The following PLCB1 variants were observed in gnomAD, a reference collection of about 807,000 sequenced individuals.
PLCB1 encodes the protein 1-phosphatidylinositol 4,5-bisphosphate phosphodiesterase beta-1.
A neutral mutation model predicts 161.8 loss-of-function variants in PLCB1; 46 were observed. The observed-to-expected ratio is 0.28, with a 90% confidence interval of 0.22 to 0.36. The LOEUF (loss-of-function observed/expected upper bound fraction) is 0.36, where lower values mean the gene tolerates loss of function less well. Among genes scored for constraint, PLCB1 ranks in the 10% least tolerant of loss-of-function variants. The pLI is 1.00. For synonymous variants in PLCB1, 517 were observed against 503.7 expected (o/e 1.03, Z -0.35); for missense variants, 1,016 against 1,472.5 (o/e 0.69, Z 5.07).
intron 3 of PLCB1, among the ~76,000 whole-genome samples, chr20:8,548,909 A>T (rs1207149005): frequency 6.6e-6 from 1 of 152,228 alleles, no homozygotes; most frequent in Non-Finnish European, 1.5e-5. Context: ...CAAGAAAATA[A>T]GCTATTTAAC....
intron 3 of PLCB1, among the ~76,000 whole-genome samples, chr20:8,457,690 T>C (rs1981377903): frequency 6.7e-6 from 1 of 149,862 alleles, no homozygotes; most frequent in Admixed American, 6.7e-5. Flanking sequence ...AGTCATCTCC[T>C]ACTTATACCC....
intron 3 of PLCB1, among the ~76,000 whole-genome samples, chr20:8,405,459 A>C (rs762659166): frequency 5.9e-5 from 9 of 152,158 alleles, no homozygotes; most frequent in Non-Finnish European, 1.2e-4. Flanking sequence ...CTTTCGCCCA[A>C]AGCAAGTCTC....
At chr20:8,412,428 C>G (rs1356400666) in intron 3 of PLCB1, among the ~76,000 whole-genome samples, 2 of 152,158 alleles carry the variant, frequency 1.3e-5, no homozygotes, top group Admixed American at 1.3e-4. Context: ...ATCCACTACA[C>G]AAGAAAACAT....
At chr20:8,399,751 CT>C (rs1415924279) in intron 3 of PLCB1, among the ~76,000 whole-genome samples, 23 of 151,874 alleles carry the variant, frequency 1.5e-4, no homozygotes, top group Non-Finnish European at 3.2e-4. Context: ...ATTTTTTTTA[CT>C]TTATTTTTTC....
chr20:8,398,830 A>G (rs1978407513), intron 3 of PLCB1, among the ~76,000 whole-genome samples: 1 of 149,626 alleles, frequency 6.7e-6, no homozygotes. Context: ...AGCTCTTTAT[A>G]TATCAGGAGA....
rs184977403 is a variant in PLCB1, at chr20:8,160,679, C to T, written c.177+10308C>T. On this transcript the variant is annotated intron_variant, in intron 2 of 31. Coordinates refer to ENST00000338037, the MANE Select transcript of PLCB1 (RefSeq NM_015192.4). ...ACCTCCCACCAGGTCCCTCCTACAACACGGGGGAATTCAAGATGAGATTTG... is the reference window on the plus strand; with the variant it reads ...ACCTCCCACCAGGTCCCTCCTACAATACGGGGGAATTCAAGATGAGATTTG... 3.0e-3 allele frequency among the ~76,000 whole-genome samples: 454 copies of T among 152,254 alleles called. 3 individuals carry two copies. Among genetic ancestry groups the T allele is most frequent in the Non-Finnish European group, 5.2e-3 (352 of 68,018 alleles).
chr20:8,184,407 T>C lies in PLCB1; in HGVS notation c.177+34036T>C, dbSNP rs974501717. On this transcript the variant is annotated intron_variant, in intron 2 of 31. Transcript: ENST00000338037. ...AAATTGAAGTTTACATCATTACTTA[T>C]GTAACTAAAAATTTTCCTTTAACCT... 5.3e-5 allele frequency among the ~76,000 whole-genome samples: 8 copies of C among 152,298 alleles called. No homozygotes were observed. In the South Asian group the frequency reaches 1.4e-3, roughly 28 times the overall value.
At chr20:8,519,328 C>T (rs1404522159) in intron 3 of PLCB1, among the ~76,000 whole-genome samples, 1 of 151,802 alleles carries the variant, frequency 6.6e-6, no homozygotes, top group Admixed American at 6.6e-5. Context: ...AGCTGGGAGA[C>T]ATTTATGGGA....
chr20:8,466,574 A>C (rs1442643900), intron 3 of PLCB1, among the ~76,000 whole-genome samples: 1 of 152,164 alleles, frequency 6.6e-6, no homozygotes, highest in African/African-American at 2.4e-5. Context: ...CCACAACAAA[A>C]TACTAACAAT....
At chr20:8,458,501 G>A (rs1002568575) in intron 3 of PLCB1, among the ~76,000 whole-genome samples, 1 of 151,988 alleles carries the variant, frequency 6.6e-6, no homozygotes, top group African/African-American at 2.4e-5. Context: ...TTCCCCATAG[G>A]CCTAAATGTG....
At chr20:8,160,002 A>G (rs1173248949) in intron 2 of PLCB1, among the ~76,000 whole-genome samples, 71 of 151,490 alleles carry the variant, frequency 4.7e-4, no homozygotes, top group African/African-American at 1.7e-3. Context: ...AAAAAAAAAA[A>G]AAAAAAGAAA....
At chr20:8,361,403 TA>T (rs1367160509) in intron 2 of PLCB1, among the ~76,000 whole-genome samples, 1 of 152,176 alleles carries the variant, frequency 6.6e-6, no homozygotes, top group Non-Finnish European at 1.5e-5. Flanking sequence ...TGTCTTCATT[TA>T]ATATCTAGGG....
At chr20:8,366,019 T>C (rs978646745) in intron 2 of PLCB1, among the ~76,000 whole-genome samples, 2 of 152,204 alleles carry the variant, frequency 1.3e-5, no homozygotes, top group Admixed American at 6.5e-5. Context: ...GGCTGATGGA[T>C]TGAAATCTCT....
At chr20:8,240,357 C>T (rs180964433) in intron 2 of PLCB1, among the ~76,000 whole-genome samples, 2 of 151,696 alleles carry the variant, frequency 1.3e-5, no homozygotes, top group Non-Finnish European at 2.9e-5. Context: ...ATGTTCAATA[C>T]ATAGCATTTT....
At chr20:8,256,659 G>C (rs1981436055) in intron 2 of PLCB1, 1 of 152,086 alleles carries the variant, frequency 6.6e-6, no homozygotes, top group Admixed American at 6.6e-5. Flanking sequence ...AAAAAAATAA[G>C]GAGGCCATTA....
intron 2 of PLCB1, among the ~76,000 whole-genome samples, chr20:8,353,796 G>A (rs1300222995): frequency 6.6e-6 from 1 of 152,006 alleles, no homozygotes; most frequent in Non-Finnish European, 1.5e-5. Flanking sequence ...GTCGTGAATG[G>A]GCTCTTGGCA....
chr20:8,523,488 CTCTCTCTCTATATATATA>C (rs772064262), intron 3 of PLCB1, among the ~76,000 whole-genome samples: 3,604 of 59,324 alleles, frequency 0.061, 203 homozygotes, highest in Non-Finnish European at 0.081. Context: ...CTCTCTCTCT[CTCTCTCTCTATATATATA>C]TATATATATA....
At chr20:8,341,566 A>T (rs141676207) in intron 2 of PLCB1, among the ~76,000 whole-genome samples, 2 of 152,126 alleles carry the variant, frequency 1.3e-5, no homozygotes, top group Non-Finnish European at 2.9e-5. Flanking sequence ...TCTTCTCATC[A>T]TGGATATAAC....
intron 2 of PLCB1, among the ~76,000 whole-genome samples, chr20:8,311,467 G>C (rs1984399898): frequency 6.6e-6 from 1 of 152,208 alleles, no homozygotes. Flanking sequence ...GGATTTGATT[G>C]AGTTGGAAAG....
Sources: allele counts gnomAD v4.1 joint callset (sites outside exome capture counted in the v4.1 genomes callset), GRCh38; gene constraint gnomAD v4.1.1; transcripts MANE v1.5; gene names NCBI Gene and HGNC (gene_info 2026-07-23, HGNC 2026-07-21).